The following CYFIP2 variants were observed in gnomAD, a reference collection of about 807,000 sequenced individuals.
The protein encoded by CYFIP2 is cytoplasmic FMR1 interacting protein 2, also known as cytoplasmic FMR1-interacting protein 2.
A neutral mutation model predicts 158.7 loss-of-function variants in CYFIP2; 29 were observed. That is an observed-to-expected ratio of 0.18 (90% CI 0.14 to 0.25). The LOEUF (loss-of-function observed/expected upper bound fraction) is 0.25, where lower values mean the gene tolerates loss of function less well. Ranked by LOEUF, CYFIP2 falls within the 10% of genes least tolerant of loss-of-function variation. The pLI is 1.00. For missense variants in CYFIP2, 852 were observed against 1,639.5 expected (o/e 0.52, Z 8.29); for synonymous variants, 585 against 617.6 (o/e 0.95, Z 0.78).
rs375350614 is a variant in CYFIP2, at chr5:157,392,883, T to C, written c.3645T>C (p.Asn1215=). The C allele has an allele frequency of 2.5e-6, 4 of 1,613,808 alleles. No individual in the cohort carries two copies. The highest frequency in any genetic ancestry group is 1.3e-5 in the African/African-American group (1 of 74,884). The change falls in exon 31 of 31, where the codon AAT becomes AAC. Residue 1215 remains asparagine (N), a synonymous_variant. Transcript: ENST00000620254. ...TCAGGAAGTATCAGATCTTGAACAA[T>C]GAGGTTTTTGCCATCCTGAACAAAT... is the stretch of plus-strand genomic sequence containing the variant. ...DRIRKYQILN[N]EVFAILNKYM...
intron 26 of CYFIP2, among the ~76,000 whole-genome samples, chr5:157,378,687 C>T (rs73307952): frequency 0.018 from 2,793 of 152,210 alleles, 87 homozygotes; most frequent in African/African-American, 0.065. Flanking sequence ...GCCTTGATGT[C>T]CTTGTCCACA....
chr5:157,272,018 C>T lies in CYFIP2; in HGVS notation c.-24+5823C>T, dbSNP rs563385447. ...ACTTCCCCTCCTGAGAGCATGAGGC[C>T]GTTCCCCTGAGCTGCTGGTAGCCTG... On this transcript the variant is annotated intron_variant, in intron 1 of 30. Transcript: ENST00000620254. Among the ~76,000 whole-genome samples the T allele has an allele frequency of 7.2e-5, 11 of 152,304 alleles. No homozygotes were observed. In the East Asian group the frequency reaches 1.5e-3, roughly 21 times the overall value.
intron 1 of CYFIP2, among the ~76,000 whole-genome samples, chr5:157,283,435 CT>C (rs140065439): frequency 0.02 from 2,969 of 150,002 alleles, 102 homozygotes; most frequent in African/African-American, 0.07. Context: ...GGAAGACAGT[CT>C]TTTTTTTTTC....
chr5:157,338,633 C>T (rs145059114), intron 21 of CYFIP2, among the ~76,000 whole-genome samples: 11 of 152,292 alleles, frequency 7.2e-5, no homozygotes, highest in African/African-American at 2.6e-4. Flanking sequence ...ATATTTGGCC[C>T]TAAAAAACAA....
intron 23 of CYFIP2, among the ~76,000 whole-genome samples, chr5:157,353,681 A>C (rs1336389088): frequency 2.6e-5 from 4 of 152,168 alleles, no homozygotes; most frequent in African/African-American, 4.8e-5. Flanking sequence ...GCCTTTATTT[A>C]CCTGCAGTGA....
At chr5:157,374,916 C>T (rs568818121) in intron 26 of CYFIP2, among the ~76,000 whole-genome samples, 1 of 152,360 alleles carries the variant, frequency 6.6e-6, no homozygotes, top group Admixed American at 6.5e-5. Flanking sequence ...AGACCAGCCT[C>T]TCCATCCCAG....
At chr5:157,391,739 G>T (rs1215879828) in intron 30 of CYFIP2, among the ~76,000 whole-genome samples, 1 of 152,208 alleles carries the variant, frequency 6.6e-6, no homozygotes, top group Non-Finnish European at 1.5e-5. Flanking sequence ...TGAAACATGG[G>T]TGTACAAATA....
intron 6 of CYFIP2, 134 bp from the exon 7 acceptor site, chr5:157,302,660 C>T (rs1758872460): frequency 4.7e-6 from 3 of 642,296 alleles, no homozygotes. Flanking sequence ...TTAGTGTTGC[C>T]TGGGATATTC....
intron 23 of CYFIP2, among the ~76,000 whole-genome samples, chr5:157,355,423 A>C (rs1385972838): frequency 6.6e-6 from 1 of 152,216 alleles, no homozygotes; most frequent in African/African-American, 2.4e-5. Flanking sequence ...CACCATGCTG[A>C]CTGCTTTATA....
intron 1 of CYFIP2, among the ~76,000 whole-genome samples, chr5:157,273,118 G>A (rs1247208484): frequency 1.3e-5 from 2 of 152,070 alleles, no homozygotes; most frequent in African/African-American, 2.4e-5. Flanking sequence ...CACCTGCCTC[G>A]GCCTCCCAAA....
intron 6 of CYFIP2, among the ~76,000 whole-genome samples, chr5:157,301,614 A>G (rs908027481): frequency 2.0e-5 from 3 of 152,210 alleles, no homozygotes; most frequent in African/African-American, 7.2e-5. Context: ...TTTGGAGTGC[A>G]GGGTCTCTGC....
chr5:157,325,392 G>A (rs555648155), intron 16 of CYFIP2, 90 bp from the exon 17 acceptor site: 3 of 1,389,024 alleles, frequency 2.2e-6, no homozygotes, highest in Admixed American at 2.8e-5. Context: ...CTAACACAGT[G>A]ACAATAACAA....
At chr5:157,345,821 A>G (rs1288355679) in intron 23 of CYFIP2, 1 of 152,328 alleles carries the variant, frequency 6.6e-6, no homozygotes, top group Non-Finnish European at 1.5e-5. Flanking sequence ...CTTTGGCTGA[A>G]AAAGGGCAGA....
chr5:157,367,669 GAAAT>G (rs1764518343), intron 26 of CYFIP2, among the ~76,000 whole-genome samples: 1 of 148,754 alleles, frequency 6.7e-6, no homozygotes, highest in East Asian at 2.1e-4. Context: ...TTACATAATT[GAAAT>G]AAATTCATTG....
chr5:157,317,491 A>G (rs369164296), intron 13 of CYFIP2, among the ~76,000 whole-genome samples: 9 of 152,220 alleles, frequency 5.9e-5, no homozygotes, highest in African/African-American at 2.2e-4. Context: ...GACATTTTCT[A>G]TTGATTTTCT....
intron 20 of CYFIP2, among the ~76,000 whole-genome samples, chr5:157,331,174 T>C (rs1761429345): frequency 6.6e-6 from 1 of 152,064 alleles, no homozygotes; most frequent in East Asian, 1.9e-4. Context: ...GGTAAATCTG[T>C]CCCTGAACAG....
At chr5:157,358,751 G>A (rs1414929301) in intron 23 of CYFIP2, among the ~76,000 whole-genome samples, 1 of 152,226 alleles carries the variant, frequency 6.6e-6, no homozygotes, top group Non-Finnish European at 1.5e-5. Context: ...CCTGTAAAAG[G>A]GGTATTTGCT....
chr5:157,310,915 G>T, intron 10 of CYFIP2: 1 of 446,164 alleles, frequency 2.2e-6, no homozygotes, highest in East Asian at 7.0e-5. Context: ...AGCACCTGAG[G>T]GTAGAAGAGG....
At chr5:157,363,209 AG>A (rs1285951473) in intron 26 of CYFIP2, 2 of 152,190 alleles carry the variant, frequency 1.3e-5, no homozygotes, top group Non-Finnish European at 2.9e-5. Flanking sequence ...CCAGTCCTAC[AG>A]GTGTCGAGGT....
Sources: gnomAD v4.1 joint callset for allele counts (sites outside exome capture counted in the v4.1 genomes callset) on GRCh38, gnomAD v4.1.1 for gene constraint, MANE v1.5 for transcripts, NCBI Gene and HGNC (gene_info 2026-07-23, HGNC 2026-07-21) for gene names.